The following HTR1F variants were observed in gnomAD, a reference collection of about 807,000 sequenced individuals.
The protein encoded by HTR1F is 5-hydroxytryptamine receptor 1F.
Under a neutral mutation model 24.0 loss-of-function variants are expected in HTR1F, and 17 were observed. The ratio of observed to expected loss-of-function variants is 0.71; its 90% CI spans 0.48 to 1.06. The LOEUF (loss-of-function observed/expected upper bound fraction) is 1.06, where lower values mean the gene tolerates loss of function less well. HTR1F is among the 50% of genes least tolerant of loss of function. The probability of loss-of-function intolerance (pLI) is 0.00; values close to 1 mark genes in which losing one functional copy is unlikely to be tolerated. For synonymous variants in HTR1F, 186 were observed against 156.8 expected (o/e 1.19, Z -1.39); for missense variants, 391 against 427.8 (o/e 0.91, Z 0.76).
In HTR1F at chr3:87,980,726, G is replaced by A. The variant is rs149381334; in HGVS notation, c.-42-9982G>A. On this transcript the variant is annotated intron_variant, in intron 2 of 2. Transcript: ENST00000319595. Reference sequence around the variant, plus strand: ...ACCTAGCTGCCCTCAGTCCCCCCTCGGCCTCTCTCCCATTCTTGTCAGTGC... The same window carrying A: ...ACCTAGCTGCCCTCAGTCCCCCCTCAGCCTCTCTCCCATTCTTGTCAGTGC... Among the ~76,000 whole-genome samples, 185 of 152,150 alleles carry A rather than the reference G, an allele frequency of 1.2e-3. 2 individuals carry two copies. The highest frequency in any genetic ancestry group is 3.4e-3 in the African/African-American group (142 of 41,518).
At chr3:87,968,824 C>T (rs1358507003) in intron 2 of HTR1F, among the ~76,000 whole-genome samples, 1 of 152,226 alleles carries the variant, frequency 6.6e-6, no homozygotes, top group Admixed American at 6.5e-5. Context: ...CCTCCCTTCA[C>T]AGGCCCAGAG....
intron 2 of HTR1F, among the ~76,000 whole-genome samples, chr3:87,828,231 C>A (rs1559596983): frequency 6.6e-6 from 1 of 152,234 alleles, no homozygotes; most frequent in African/African-American, 2.4e-5. Context: ...CAAAAACCCA[C>A]TTTGTAACTG....
At chr3:87,975,614 CAATAA>C (rs1705379473) in intron 2 of HTR1F, among the ~76,000 whole-genome samples, 1 of 151,614 alleles carries the variant, frequency 6.6e-6, no homozygotes, top group East Asian at 1.9e-4. Flanking sequence ...TAAGTAAAGC[CAATAA>C]AATAAAATAA....
At chr3:87,848,905 G>A (rs1181703441) in intron 2 of HTR1F, among the ~76,000 whole-genome samples, 1 of 151,694 alleles carries the variant, frequency 6.6e-6, no homozygotes, top group African/African-American at 2.4e-5. Context: ...TACAAGGGAT[G>A]TGAAGGACCT....
intron 2 of HTR1F, among the ~76,000 whole-genome samples, chr3:87,860,856 C>G (rs1290957618): frequency 6.6e-6 from 1 of 152,118 alleles, no homozygotes; most frequent in Non-Finnish European, 1.5e-5. Context: ...CTTTGACTTA[C>G]ATATAAAATA....
intron 2 of HTR1F, among the ~76,000 whole-genome samples, chr3:87,903,775 G>A (rs955740166): frequency 2.6e-5 from 4 of 152,136 alleles, no homozygotes; most frequent in Admixed American, 1.3e-4. Flanking sequence ...CCATTACTGG[G>A]TATATACCCA....
chr3:87,911,527 G>A (rs1339062791), intron 2 of HTR1F, among the ~76,000 whole-genome samples: 1 of 152,080 alleles, frequency 6.6e-6, no homozygotes, highest in Non-Finnish European at 1.5e-5. Context: ...GCTGTACAAA[G>A]AGCTGGTTAA....
intron 2 of HTR1F, among the ~76,000 whole-genome samples, chr3:87,925,359 G>A (rs571533575): frequency 3.9e-5 from 6 of 152,074 alleles, no homozygotes; most frequent in Non-Finnish European, 7.4e-5. Context: ...TTGGGTTCTA[G>A]GGGATGTCTT....
chr3:87,920,091 G>T (rs1025940531), intron 2 of HTR1F, among the ~76,000 whole-genome samples: 4 of 149,930 alleles, frequency 2.7e-5, no homozygotes, highest in Non-Finnish European at 5.9e-5. Context: ...TGAATTAACT[G>T]CATTTACAGT....
intron 2 of HTR1F, among the ~76,000 whole-genome samples, chr3:87,943,907 T>A (rs1704632408): frequency 6.6e-6 from 1 of 152,180 alleles, no homozygotes; most frequent in Non-Finnish European, 1.5e-5. Context: ...AGGGGCGTTT[T>A]TGCCTTGGGG....
chr3:87,955,879 G>GT (rs1048272615), intron 2 of HTR1F, among the ~76,000 whole-genome samples: 1 of 151,228 alleles, frequency 6.6e-6, no homozygotes, highest in African/African-American at 2.4e-5. Flanking sequence ...TTTTAAGTGA[G>GT]TTTTTTTAAA....
intron 2 of HTR1F, among the ~76,000 whole-genome samples, chr3:87,886,456 C>A (rs536397039): frequency 1.3e-5 from 2 of 152,182 alleles, no homozygotes; most frequent in Non-Finnish European, 2.9e-5. Flanking sequence ...TCTCTCACCA[C>A]TCCTATGCAA....
At chr3:87,868,440 TTAGA>T (rs1314755269) in intron 2 of HTR1F, among the ~76,000 whole-genome samples, 14 of 152,026 alleles carry the variant, frequency 9.2e-5, no homozygotes, top group Non-Finnish European at 2.1e-4. Flanking sequence ...AAGGATATAA[TTAGA>T]TAGAAGAATG....
In HTR1F at chr3:87,912,633, C is replaced by CAA. The variant is rs35147140; in HGVS notation, c.-42-78057_-42-78056dup. Among the ~76,000 whole-genome samples, 58 of 84,498 alleles carry CAA rather than the reference C, an allele frequency of 6.9e-4. 1 individual carries two copies. Among genetic ancestry groups the CAA allele is most frequent in the African/African-American group, 2.1e-3 (49 of 23,852 alleles). 55.4% of individuals were successfully genotyped at this position (84,498 alleles called of 152,430 possible). ...TCTGAATAGCCCAGGCAATCCTAGG[C>CAA]AAAAAAAAAAAAAAAAAAACAAAGC... is the stretch of plus-strand genomic sequence containing the variant. On this transcript the variant is annotated intron_variant, in intron 2 of 2. Coordinates refer to ENST00000319595, the MANE Select transcript of HTR1F (RefSeq NM_001322209.2).
chr3:87,954,592 G>A (rs1260046234), intron 2 of HTR1F, among the ~76,000 whole-genome samples: 1 of 151,618 alleles, frequency 6.6e-6, no homozygotes, highest in Non-Finnish European at 1.5e-5. Flanking sequence ...ATCAACAGGG[G>A]TTGATGAATA....
At chr3:87,946,262 G>A (rs1029116047) in intron 2 of HTR1F, among the ~76,000 whole-genome samples, 25 of 152,152 alleles carry the variant, frequency 1.6e-4, no homozygotes, top group Non-Finnish European at 2.1e-4. Context: ...GGTGGACTTC[G>A]AGCAAAAGCT....
chr3:87,816,807 A>G (rs1704258531), intron 1 of HTR1F, among the ~76,000 whole-genome samples: 1 of 152,120 alleles, frequency 6.6e-6, no homozygotes, highest in African/African-American at 2.4e-5. Flanking sequence ...ATGTTTAACT[A>G]GCAAATGAAA....
chr3:87,917,712 T>G (rs1703926251), intron 2 of HTR1F, among the ~76,000 whole-genome samples: 1 of 149,958 alleles, frequency 6.7e-6, no homozygotes, highest in Non-Finnish European at 1.5e-5. Flanking sequence ...GAGATTGAAA[T>G]GGTAATTCAA....
intron 2 of HTR1F, among the ~76,000 whole-genome samples, chr3:87,858,662 T>G (rs536464542): frequency 3.8e-4 from 53 of 140,478 alleles, no homozygotes; most frequent in Non-Finnish European, 6.2e-4. Flanking sequence ...ATATTCTCGG[T>G]TTTTTTTTTG....
Sources: allele counts gnomAD v4.1 joint callset (sites outside exome capture counted in the v4.1 genomes callset), GRCh38; gene constraint gnomAD v4.1.1; transcripts MANE v1.5; gene names NCBI Gene and HGNC (gene_info 2026-07-23, HGNC 2026-07-21).